The following ACSL5 variants were observed in gnomAD, a reference collection of about 807,000 sequenced individuals.
The protein encoded by ACSL5 is acyl-CoA synthetase long chain family member 5.
A neutral mutation model predicts 84.9 loss-of-function variants in ACSL5; 50 were observed. The observed-to-expected ratio is 0.59, with a 90% CI of 0.47 to 0.75. The LOEUF (loss-of-function observed/expected upper bound fraction) is 0.75. Ranked by LOEUF, ACSL5 falls within the 30% of genes least tolerant of loss-of-function variation. ACSL5 has a pLI of 0.00. For synonymous variants in ACSL5, 280 were observed against 300.7 expected, an observed-to-expected ratio of 0.93 and a Z score of 0.71; for missense variants, 775 against 830.4, an observed-to-expected ratio of 0.93 and a Z score of 0.82.
In ACSL5 at chr10:112,422,014, T is replaced by C; in HGVS notation, c.1455T>C (p.Phe485=). The change falls in exon 16 of 21, where the codon TTT becomes TTC. Residue 485 remains phenylalanine, a synonymous_variant. Coordinates refer to ENST00000354655, the MANE Select transcript of ACSL5 (RefSeq NM_203379.2). ...KLEDVADMNY[F]TVNNEGEVCI... is the part of the protein sequence containing the mutation. Reference sequence around the variant, plus strand: ...AAGATGTGGCTGACATGAACTACTTTACAGTGAATAATGAAGGAGAGGTGG... The same window carrying C: ...AAGATGTGGCTGACATGAACTACTTCACAGTGAATAATGAAGGAGAGGTGG... 4.3e-6 allele frequency: 7 copies of C among 1,614,204 alleles called. No individual in the cohort carries two copies. Among genetic ancestry groups the C allele is most frequent in the Non-Finnish European group, 5.9e-6 (7 of 1,180,038 alleles).
rs1844620462 is a variant in ACSL5, at chr10:112,425,189, C to T, written c.1594-149C>T. ...GCACGATGCTTCCCTCCCCTTTCAC[C>T]AAAGCCAAGAAAGAGAAATGAAAGA... is the stretch of plus-strand genomic sequence containing the variant. On this transcript the variant is annotated intron_variant, in intron 17 of 20. Transcript: ENST00000354655. The T allele has an allele frequency of 6.1e-6, 4 of 658,140 alleles. No homozygotes were observed. In the South Asian group the frequency reaches 1.1e-4, roughly 17 times the overall value. 40.8% of individuals were successfully genotyped at this position (658,140 alleles called of 1,614,324 possible). A position where few individuals can be genotyped will look rare whatever the true frequency, so the allele number is the denominator to read the frequency against.
At chr10:112,396,846 C>G (rs527478701) in intron 2 of ACSL5, among the ~76,000 whole-genome samples, 9 of 152,326 alleles carry the variant, frequency 5.9e-5, no homozygotes, top group African/African-American at 2.2e-4. Flanking sequence ...TCTTCCTTCA[C>G]TAGACAAGGA....
At chr10:112,404,416 C>A (rs1056989151) in intron 3 of ACSL5, 95 bp from the exon 4 acceptor site, 2 of 892,122 alleles carry the variant, frequency 2.2e-6, no homozygotes, top group East Asian at 5.2e-5. Context: ...TTGGACTTAC[C>A]CTTTGTGTCT....
At chr10:112,415,533 A>C (rs767466571) in intron 12 of ACSL5, among the ~76,000 whole-genome samples, 1 of 152,224 alleles carries the variant, frequency 6.6e-6, no homozygotes, top group Non-Finnish European at 1.5e-5. Context: ...ATGTTGAAGA[A>C]AGATAAATCT....
rs567719564 is a variant in ACSL5, at chr10:112,379,015, G to A, written c.-30+4746G>A. 5.3e-5 allele frequency among the ~76,000 whole-genome samples: 8 copies of A among 152,312 alleles called. No homozygotes were observed. The South Asian group carries it at 6.2e-4, about 12-fold the overall frequency. ...TCTATTCTAAGAGTTGTGAGGTTGC[G>A]AGTGGCTCAAGTTGAGGATTTGAGG... On this transcript the variant is annotated intron_variant, in intron 1 of 20. Coordinates refer to ENST00000354655, the MANE Select transcript of ACSL5 (RefSeq NM_203379.2).
At position 112,425,629 on chromosome 10, in the gene ACSL5, A is replaced by G. The variant is rs1844646276; in HGVS notation, c.1737+148A>G. On this transcript the variant is annotated intron_variant, in intron 18 of 20. Coordinates refer to ENST00000354655, the MANE Select transcript of ACSL5 (RefSeq NM_203379.2). Reference sequence around the variant, plus strand: ...AAAAAAAAATGAAGTTACATTCCAAACCTCAAATAAGGCAATTTCAATTTA... The same window carrying G: ...AAAAAAAAATGAAGTTACATTCCAAGCCTCAAATAAGGCAATTTCAATTTA... 4 of 722,332 alleles carry G rather than the reference A, an allele frequency of 5.5e-6. No individual in the cohort carries two copies. In the South Asian group the frequency reaches 1.5e-4, roughly 27 times the overall value. The allele number at this position is 722,332 out of a possible 1,614,324, so 44.7% of individuals were successfully genotyped here.
chr10:112,399,099 C>A, intron 3 of ACSL5, 90 bp downstream of exon 3: 2 of 1,062,510 alleles, frequency 1.9e-6, no homozygotes, highest in Non-Finnish European at 1.4e-6. Context: ...AAAACCCCAG[C>A]TATTTAGATG....
At chr10:112,378,096 A>G (rs528067453) in intron 1 of ACSL5, among the ~76,000 whole-genome samples, 1 of 152,242 alleles carries the variant, frequency 6.6e-6, no homozygotes, top group East Asian at 1.9e-4. Flanking sequence ...TAGTGAGACC[A>G]CAGATACTAC....
At chr10:112,388,612 G>C (rs1432337021) in intron 1 of ACSL5, among the ~76,000 whole-genome samples, 1 of 152,136 alleles carries the variant, frequency 6.6e-6, no homozygotes, top group African/African-American at 2.4e-5. Context: ...GGCATGGTGG[G>C]GGCATCAGAG....
chr10:112,417,140 T>C, intron 13 of ACSL5, 118 bp downstream of exon 13: 1 of 1,167,904 alleles, frequency 8.6e-7, no homozygotes, highest in East Asian at 2.6e-5. Flanking sequence ...CCTTTCAGAC[T>C]TTGTGTCCAC....
intron 1 of ACSL5, among the ~76,000 whole-genome samples, chr10:112,385,533 C>T (rs749492625): frequency 2.6e-5 from 4 of 152,146 alleles, no homozygotes; most frequent in Non-Finnish European, 5.9e-5. Flanking sequence ...ATCTGATGCA[C>T]GAGGAAAAGG....
At chr10:112,424,396 T>C (rs1045328629) in intron 17 of ACSL5, 1 of 152,266 alleles carries the variant, frequency 6.6e-6, no homozygotes, top group Non-Finnish European at 1.5e-5. Context: ...ATTTAAGGAA[T>C]GCTTGACAAT....
At chr10:112,403,089 C>T (rs1219741870) in intron 3 of ACSL5, among the ~76,000 whole-genome samples, 1 of 152,154 alleles carries the variant, frequency 6.6e-6, no homozygotes, top group Non-Finnish European at 1.5e-5. Flanking sequence ...TGTGTGCACA[C>T]CTCTGTGTGT....
intron 3 of ACSL5, among the ~76,000 whole-genome samples, chr10:112,402,943 G>A (rs1843941164): frequency 6.6e-6 from 1 of 152,218 alleles, no homozygotes; most frequent in Non-Finnish European, 1.5e-5. Flanking sequence ...AAGCTGAGAT[G>A]CCATTTATTC....
intron 1 of ACSL5, among the ~76,000 whole-genome samples, chr10:112,375,052 T>TAAA (rs113124635): frequency 8.4e-4 from 117 of 139,734 alleles, no homozygotes; most frequent in African/African-American, 3.1e-3. Context: ...AGGAGGTCAA[T>TAAA]AAAAAAAAAA....
At chr10:112,390,273 TA>T (rs1374610596) in intron 1 of ACSL5, among the ~76,000 whole-genome samples, 1 of 151,884 alleles carries the variant, frequency 6.6e-6, no homozygotes, top group African/African-American at 2.4e-5. Flanking sequence ...AAGAAGCACA[TA>T]AAAAAATGCT....
chr10:112,423,805 TC>T (rs910879166), intron 17 of ACSL5, among the ~76,000 whole-genome samples: 1 of 152,020 alleles, frequency 6.6e-6, no homozygotes, highest in Non-Finnish European at 1.5e-5. Flanking sequence ...CCTTTTTTTT[TC>T]CCCCTTAACT....
chr10:112,409,317 TCTG>T, intron 6 of ACSL5, 187 bp from the exon 7 acceptor site: 1 of 571,738 alleles, frequency 1.7e-6, no homozygotes, highest in Non-Finnish European at 3.1e-6. Context: ...AACATGTGCT[TCTG>T]TTTCAGTTAA....
chr10:112,415,707 C>T (rs1051000895), intron 12 of ACSL5, among the ~76,000 whole-genome samples: 2 of 152,164 alleles, frequency 1.3e-5, no homozygotes, highest in Admixed American at 1.3e-4. Flanking sequence ...AATTATCACC[C>T]CTGCTTGGCT....
Sources: allele counts gnomAD v4.1 joint callset (sites outside exome capture counted in the v4.1 genomes callset), GRCh38; gene constraint gnomAD v4.1.1; transcripts MANE v1.5; gene names NCBI Gene and HGNC (gene_info 2026-07-23, HGNC 2026-07-21).